Variants in GRM7 observed in about 807,000 individuals in gnomAD.
The protein encoded by GRM7 is glutamate metabotropic receptor 7.
GRM7 carries 35 observed loss-of-function variants against 84.5 expected under a neutral mutation model. The observed-to-expected ratio is 0.41, with a 90% CI of 0.32 to 0.55. The LOEUF (loss-of-function observed/expected upper bound fraction) is 0.55. Ranked by LOEUF, GRM7 falls within the 20% of genes least tolerant of loss-of-function variation. The pLI is 0.19. For synonymous variants in GRM7, 487 were observed against 455.1 expected, an observed-to-expected ratio of 1.07 and a Z score of -0.89; for missense variants, 1,003 against 1,194.6, an observed-to-expected ratio of 0.84 and a Z score of 2.36.
chr3:7,739,519 G>T (rs1299267250), intron 9 of GRM7, among the ~76,000 whole-genome samples: 1 of 152,150 alleles, frequency 6.6e-6, no homozygotes, highest in African/African-American at 2.4e-5. Context: ...TCACATCATT[G>T]CAACAGTATG....
At chr3:6,937,215 C>A (rs1425250506) in intron 1 of GRM7, among the ~76,000 whole-genome samples, 1 of 152,180 alleles carries the variant, frequency 6.6e-6, no homozygotes, top group Non-Finnish European at 1.5e-5. Context: ...CTTCTTGCTG[C>A]TGCTTTGATT....
chr3:7,267,369 C>T (rs1453480212), intron 2 of GRM7, among the ~76,000 whole-genome samples: 3 of 152,140 alleles, frequency 2.0e-5, no homozygotes, highest in East Asian at 3.9e-4. Context: ...ATAGTTGTTA[C>T]CCCAAGACCC....
intron 7 of GRM7, among the ~76,000 whole-genome samples, chr3:7,496,045 T>C (rs1699690723): frequency 6.6e-6 from 1 of 152,206 alleles, no homozygotes; most frequent in South Asian, 2.1e-4. Context: ...ATTTTATCCA[T>C]GAAACTCATC....
intron 2 of GRM7, among the ~76,000 whole-genome samples, chr3:7,281,052 G>A (rs1223520058): frequency 6.6e-6 from 1 of 152,094 alleles, no homozygotes; most frequent in Non-Finnish European, 1.5e-5. Flanking sequence ...GTCAGGAATG[G>A]TTCTCTTTGG....
At chr3:7,677,283 A>C (rs997235708) in intron 8 of GRM7, among the ~76,000 whole-genome samples, 38 of 147,410 alleles carry the variant, frequency 2.6e-4, no homozygotes, top group Non-Finnish European at 3.8e-4. Context: ...AAAAAAAAAA[A>C]AAAAAAAAAA....
chr3:6,874,955 G>A (rs1484476555), intron 1 of GRM7, among the ~76,000 whole-genome samples: 1 of 152,086 alleles, frequency 6.6e-6, no homozygotes, highest in African/African-American at 2.4e-5. Context: ...TTCTACACAT[G>A]ACTCATCCAC....
chr3:7,491,074 A>G (rs1469588567), intron 7 of GRM7, among the ~76,000 whole-genome samples: 2 of 152,042 alleles, frequency 1.3e-5, no homozygotes, highest in African/African-American at 4.8e-5. Context: ...GTATACAAAT[A>G]AAAACATTTC....
intron 7 of GRM7, among the ~76,000 whole-genome samples, chr3:7,538,407 C>T (rs777040504): frequency 2.6e-5 from 4 of 152,024 alleles, no homozygotes; most frequent in Admixed American, 1.3e-4. Context: ...CCACAATGTT[C>T]GGCCCGTTAC....
At chr3:7,371,612 C>T (rs1019835364) in intron 4 of GRM7, among the ~76,000 whole-genome samples, 2 of 152,072 alleles carry the variant, frequency 1.3e-5, no homozygotes, top group Non-Finnish European at 2.9e-5. Flanking sequence ...TAATTCTGAG[C>T]AATGCACAAT....
At chr3:7,293,954 GTATGTT>G (rs1699726855) in intron 2 of GRM7, among the ~76,000 whole-genome samples, 2 of 152,148 alleles carry the variant, frequency 1.3e-5, no homozygotes. Context: ...GATCAAAACA[GTATGTT>G]TATTTCTCTT....
intron 1 of GRM7, among the ~76,000 whole-genome samples, chr3:6,989,608 T>C (rs973907740): frequency 1.3e-5 from 2 of 152,220 alleles, no homozygotes; most frequent in East Asian, 1.9e-4. Context: ...ATAAGACATC[T>C]GAATCTAGAT....
rs73115555 is a variant in GRM7 at position 7,396,660 on chromosome 3, T to C, written c.1034-18363T>C. 5.7e-3 allele frequency among the ~76,000 whole-genome samples: 864 copies of C among 152,214 alleles called. 12 individuals are homozygous for C. Among genetic ancestry groups the C allele is most frequent in the African/African-American group, 0.02 (832 of 41,550 alleles). ...AATGTAGTTATTTAAGAATCGCATT[T>C]GGGATGGATGGGTAGCTGGGAGTAT... On this transcript the variant is annotated intron_variant, in intron 4 of 9. Coordinates refer to ENST00000357716, the MANE Select transcript of GRM7 (RefSeq NM_000844.4).
intron 1 of GRM7, among the ~76,000 whole-genome samples, chr3:7,035,018 G>A (rs1172116730): frequency 1.3e-5 from 2 of 152,158 alleles, no homozygotes; most frequent in African/African-American, 2.4e-5. Context: ...AGGTTCTTGG[G>A]GAGGCCTGTG....
intron 1 of GRM7, among the ~76,000 whole-genome samples, chr3:7,037,349 A>G (rs1244235003): frequency 1.1e-4 from 17 of 152,208 alleles, no homozygotes; most frequent in Non-Finnish European, 2.9e-5. Context: ...AGGATGCTAG[A>G]TTACACAGGG....
At position 7,682,775 on chromosome 3, in the gene GRM7, A is replaced by G. The variant is rs556823735; in HGVS notation, c.2698+2480A>G. Among the ~76,000 whole-genome samples the G allele has an allele frequency of 1.5e-3, 231 of 152,280 alleles. 2 individuals carry two copies. The South Asian group carries it at 0.027, about 18-fold the overall frequency. On this transcript the variant is annotated intron_variant, in intron 9 of 9. Coordinates refer to ENST00000357716, the MANE Select transcript of GRM7 (RefSeq NM_000844.4). ...CCTTGTTGAGGCTTTTTTGGGTATG[A>G]CATTGGTTGTTAAAATGCTAACACT...
intron 7 of GRM7, among the ~76,000 whole-genome samples, chr3:7,466,702 A>G (rs1698472367): frequency 6.6e-6 from 1 of 152,234 alleles, no homozygotes; most frequent in African/African-American, 2.4e-5. Context: ...TGAACTGCAT[A>G]TTCTCTTAAA....
intron 7 of GRM7, among the ~76,000 whole-genome samples, chr3:7,467,201 C>T (rs1698496220): frequency 6.6e-6 from 1 of 152,246 alleles, no homozygotes; most frequent in East Asian, 1.9e-4. Flanking sequence ...GACTCTCATG[C>T]CTCAGCCTCC....
chr3:7,175,166 T>G (rs1695104940), intron 2 of GRM7, among the ~76,000 whole-genome samples: 1 of 152,336 alleles, frequency 6.6e-6, no homozygotes, highest in East Asian at 1.9e-4. Context: ...TTTAAACTCT[T>G]GAAGACTTGA....
Position 7,306,482 on chromosome 3 carries a change from A to G in GRM7, c.879-16A>G, listed in dbSNP as rs1466246544. On this transcript the variant is annotated splice_polypyrimidine_tract_variant and intron_variant, in intron 3 of 9. Coordinates refer to ENST00000357716, the MANE Select transcript of GRM7 (RefSeq NM_000844.4). ...TTCTTTATCATTAATATAACTTTCC[A>G]TATTTCTTTCCACAGGCAGATCCTT... 11 of 1,610,854 alleles carry G rather than the reference A, an allele frequency of 6.8e-6. No individual in the cohort carries two copies. Among genetic ancestry groups the G allele is most frequent in the South Asian group, 1.1e-5 (1 of 91,006 alleles).
Sources: allele counts gnomAD v4.1 joint callset (sites outside exome capture counted in the v4.1 genomes callset), GRCh38; gene constraint gnomAD v4.1.1; transcripts MANE v1.5; gene names NCBI Gene and HGNC (gene_info 2026-07-23, HGNC 2026-07-21).